Variants in PLAAT1 observed in about 807,000 individuals in gnomAD.
PLAAT1 encodes H-REV107 protein-related protein.
Under a neutral mutation model 16.4 loss-of-function variants are expected in PLAAT1, and 13 were observed. The ratio of observed to expected loss-of-function variants is 0.79; its 90% CI spans 0.52 to 1.26. The LOEUF (loss-of-function observed/expected upper bound fraction) is 1.26. Among genes scored for constraint, PLAAT1 ranks in the 50% most tolerant of loss-of-function variants. PLAAT1 has a pLI of 0.00. For synonymous variants in PLAAT1, 73 were observed against 78.4 expected (o/e 0.93, Z 0.36); for missense variants, 218 against 207.8 (o/e 1.05, Z -0.30).
intron 2 of PLAAT1, chr3:193,276,851 T>A: frequency 6.4e-7 from 1 of 1,565,646 alleles, no homozygotes; most frequent in Non-Finnish European, 8.8e-7. Flanking sequence ...ACAAATACCA[T>A]TATTATATTT....
chr3:193,280,665 C>T (rs927366895), downstream of PLAAT1, among the ~76,000 whole-genome samples: 1 of 152,166 alleles, frequency 6.6e-6, no homozygotes. Context: ...TCCAACCTCA[C>T]CCACTCCTCT....
chr3:193,279,906 T>C (rs891911408), downstream of PLAAT1, among the ~76,000 whole-genome samples: 18 of 135,442 alleles, frequency 1.3e-4, no homozygotes, highest in African/African-American at 4.6e-4. Flanking sequence ...TTATGGGCAA[T>C]TGGAAAGGTA....
In PLAAT1 at chr3:193,241,412, G is replaced by C. The variant is rs1715738760; in HGVS notation, c.-122G>C. 8.1e-7 allele frequency: 1 copy of C among 1,231,908 alleles called. No homozygotes were observed. The highest frequency in any genetic ancestry group is 1.0e-6 in the Non-Finnish European group (1 of 988,116). 76.3% of individuals were successfully genotyped at this position (1,231,908 alleles called of 1,614,324 possible). A position where few individuals can be genotyped will look rare whatever the true frequency, so the allele number is the denominator to read the frequency against. ...CGCCTGCCTCCCGGGTGTCTCCCGG[G>C]TACAGATGGAGTCGTCCCGCGGCCG... On this transcript the variant is annotated 5_prime_UTR_variant, in exon 1 of 4. Transcript: ENST00000264735.
At chr3:193,269,138 G>A (rs780290789) in intron 3 of PLAAT1, among the ~76,000 whole-genome samples, 7 of 151,900 alleles carry the variant, frequency 4.6e-5, no homozygotes, top group East Asian at 3.9e-4. Flanking sequence ...CTTCTCCCCC[G>A]CTCCCCCAAT....
intron 2 of PLAAT1, among the ~76,000 whole-genome samples, chr3:193,256,874 G>T (rs1716394675): frequency 6.6e-6 from 1 of 152,116 alleles, no homozygotes; most frequent in Non-Finnish European, 1.5e-5. Flanking sequence ...TAGGGGAATG[G>T]TTAAATGAAT....
chr3:193,275,421 T>A, downstream of PLAAT1: 1 of 1,148,132 alleles, frequency 8.7e-7, no homozygotes, highest in Non-Finnish European at 1.2e-6. Context: ...CTCATTGCTG[T>A]TGCATCTACC....
chr3:193,251,723 G>A (rs1481559164), intron 1 of PLAAT1, among the ~76,000 whole-genome samples: 2 of 152,152 alleles, frequency 1.3e-5, no homozygotes, highest in Admixed American at 6.5e-5. Flanking sequence ...GTTTGTAAAT[G>A]AGTGTATCTC....
At chr3:193,276,927 C>A (rs1377086779) in intron 2 of PLAAT1, 2 of 921,486 alleles carry the variant, frequency 2.2e-6, no homozygotes, top group Non-Finnish European at 3.3e-6. Flanking sequence ...TAATAACTCT[C>A]TGAGCTTAGT....
chr3:193,265,205 A>G (rs1716736558), intron 3 of PLAAT1, among the ~76,000 whole-genome samples: 1 of 152,238 alleles, frequency 6.6e-6, no homozygotes, highest in South Asian at 2.1e-4. Context: ...CTGCACATGA[A>G]TGTTTATAGC....
intron 1 of PLAAT1, among the ~76,000 whole-genome samples, chr3:193,248,324 T>C (rs543571538): frequency 1.2e-4 from 18 of 149,318 alleles, no homozygotes; most frequent in African/African-American, 4.0e-4. Flanking sequence ...AGTTAATCTA[T>C]TGTAGGCAGC....
chr3:193,270,529 G>A (rs1446816809), intron 3 of PLAAT1, 75 bp from the exon 4 acceptor site: 8 of 1,416,894 alleles, frequency 5.6e-6, no homozygotes, highest in Non-Finnish European at 7.7e-6. Flanking sequence ...TTAGGAAACA[G>A]GCTAAAGCTT....
rs141397958 is a variant in PLAAT1 at position 193,263,314 on chromosome 3, C to G, written c.405+79C>G. The G allele has an allele frequency of 6.2e-5, 85 of 1,374,120 alleles. No homozygotes were observed. In the African/African-American group the frequency reaches 1.1e-3, roughly 18 times the overall value. 85.1% of individuals were successfully genotyped at this position (1,374,120 alleles called of 1,614,324 possible). A position where few individuals can be genotyped will look rare whatever the true frequency, so the allele number is the denominator to read the frequency against. ...ATGATAAGGTTCCCAGGCCTCAAACCAAATGAAAAGAACCAGAAAATACGA... is the reference window on the plus strand; with the variant it reads ...ATGATAAGGTTCCCAGGCCTCAAACGAAATGAAAAGAACCAGAAAATACGA... On this transcript the variant is annotated intron_variant, in intron 3 of 3. Transcript: ENST00000264735.
At chr3:193,252,252 AG>A (rs1716220115) in intron 1 of PLAAT1, among the ~76,000 whole-genome samples, 2 of 152,128 alleles carry the variant, frequency 1.3e-5, no homozygotes, top group African/African-American at 4.8e-5. Flanking sequence ...GTCATCACCA[AG>A]GGGTTGGCAT....
chr3:193,241,200 G>T, upstream of PLAAT1: 2 of 1,221,946 alleles, frequency 1.6e-6, no homozygotes, highest in Non-Finnish European at 2.0e-6. Flanking sequence ...CGCCTCCTGG[G>T]CGGAGCGGGC....
intron 3 of PLAAT1, among the ~76,000 whole-genome samples, chr3:193,265,877 A>G (rs1260503493): frequency 1.3e-5 from 2 of 151,838 alleles, no homozygotes; most frequent in Non-Finnish European, 2.9e-5. Flanking sequence ...GATAGGAAAT[A>G]GGTTCCATTC....
At chr3:193,265,213 A>G (rs573562963) in intron 3 of PLAAT1, among the ~76,000 whole-genome samples, 1 of 152,378 alleles carries the variant, frequency 6.6e-6, no homozygotes, top group South Asian at 2.1e-4. Flanking sequence ...GAATGTTTAT[A>G]GCAGCATTGT....
chr3:193,275,182 T>C (rs770622583), downstream of PLAAT1: 23 of 1,614,088 alleles, frequency 1.4e-5, no homozygotes, highest in African/African-American at 2.7e-4. Context: ...GTCCTGTTTA[T>C]GGGAGGCCAG....
intron 2 of PLAAT1, among the ~76,000 whole-genome samples, chr3:193,258,271 A>C (rs1716452515): frequency 2.6e-5 from 4 of 152,208 alleles, no homozygotes; most frequent in African/African-American, 9.7e-5. Flanking sequence ...CAATGTTAAA[A>C]GGAAAGTTTA....
In PLAAT1 at chr3:193,257,292, A is replaced by G. The variant is rs559759560; in HGVS notation, c.139+1503A>G. On this transcript the variant is annotated intron_variant, in intron 2 of 3. Transcript: ENST00000264735. ...GAATGGAATACTGTGATTGGCTCAG[A>G]CACAATTGTTTCCAGGAATAAATAG... Among the ~76,000 whole-genome samples the G allele has an allele frequency of 4.6e-4, 70 of 152,290 alleles. 1 individual carries two copies. Among genetic ancestry groups the G allele is most frequent in the Non-Finnish European group, 7.2e-4 (49 of 68,018 alleles).
Sources: gnomAD v4.1 joint callset for allele counts (sites outside exome capture counted in the v4.1 genomes callset) on GRCh38, gnomAD v4.1.1 for gene constraint, MANE v1.5 for transcripts, NCBI Gene and HGNC (gene_info 2026-07-23, HGNC 2026-07-21) for gene names.